The following MGAT5 variants were observed in gnomAD, a reference collection of about 807,000 sequenced individuals.
The protein encoded by MGAT5 is alpha-1,6-mannosylglycoprotein 6-beta-N-acetylglucosaminyltransferase.
MGAT5 carries 30 observed loss-of-function variants against 94.3 expected under a neutral mutation model. The ratio of observed to expected loss-of-function variants is 0.32; its 90% CI spans 0.24 to 0.43. MGAT5 has a LOEUF of 0.43. MGAT5 is among the 20% of genes least tolerant of loss of function. The probability of loss-of-function intolerance (pLI) is 1.00; values close to 1 mark genes in which losing one functional copy is unlikely to be tolerated. For missense variants in MGAT5, 691 were observed against 905.5 expected (o/e 0.76, Z 3.04); for synonymous variants, 310 against 322.9 (o/e 0.96, Z 0.43).
intron 1 of MGAT5, among the ~76,000 whole-genome samples, chr2:134,213,260 A>G (rs943814867): frequency 2.6e-5 from 4 of 152,168 alleles, no homozygotes; most frequent in Admixed American, 1.3e-4. Flanking sequence ...GTTGTGTTCA[A>G]TCAGATACTG....
intron 1 of MGAT5, among the ~76,000 whole-genome samples, chr2:134,130,358 C>T (rs1252225114): frequency 1.3e-5 from 2 of 152,214 alleles, no homozygotes; most frequent in Admixed American, 6.5e-5. Flanking sequence ...CTCTGCTGCG[C>T]CGGGTCCCAT....
chr2:134,287,887 C>T (rs1281001799), intron 2 of MGAT5, among the ~76,000 whole-genome samples: 1 of 152,162 alleles, frequency 6.6e-6, no homozygotes, highest in Non-Finnish European at 1.5e-5. Flanking sequence ...TGTCTTACAT[C>T]CTCTGTGTAA....
intron 1 of MGAT5, among the ~76,000 whole-genome samples, chr2:134,218,295 C>T (rs1056106126): frequency 3.3e-5 from 5 of 152,166 alleles, no homozygotes; most frequent in African/African-American, 9.7e-5. Context: ...AGGAACTTCA[C>T]TATCATAAAT....
intron 1 of MGAT5, among the ~76,000 whole-genome samples, chr2:134,120,991 A>G (rs1438471762): frequency 6.6e-6 from 1 of 151,752 alleles, no homozygotes; most frequent in Non-Finnish European, 1.5e-5. Context: ...ACACCCGCGC[A>G]CACACTCCCC....
chr2:134,187,852 A>C (rs1432742458), intron 1 of MGAT5, among the ~76,000 whole-genome samples: 1 of 152,206 alleles, frequency 6.6e-6, no homozygotes, highest in Non-Finnish European at 1.5e-5. Context: ...AAAACTTCAA[A>C]CTGTATTATC....
At chr2:134,253,484 T>C (rs562015000), upstream of MGAT5, among the ~76,000 whole-genome samples, 1 of 152,322 alleles carries the variant, frequency 6.6e-6, no homozygotes, top group East Asian at 1.9e-4. Context: ...ATATTGAAAC[T>C]ACTCTGCCTT....
At chr2:134,338,207 A>T in intron 5 of MGAT5, 52 bp from the exon 6 acceptor site, 1 of 1,454,926 alleles carries the variant, frequency 6.9e-7, no homozygotes, top group Non-Finnish European at 9.4e-7. Context: ...GAAAACTATT[A>T]TGCTTTCTGA....
chr2:134,246,804 T>C (rs753585439), intron 1 of MGAT5, among the ~76,000 whole-genome samples: 1 of 152,240 alleles, frequency 6.6e-6, no homozygotes, highest in Non-Finnish European at 1.5e-5. Flanking sequence ...AACATAATAT[T>C]TTCTGGCCTC....
At chr2:134,354,565 A>C (rs1250302024) in intron 9 of MGAT5, among the ~76,000 whole-genome samples, 2 of 152,074 alleles carry the variant, frequency 1.3e-5, no homozygotes, top group East Asian at 3.9e-4. Context: ...CTCGTTTCCT[A>C]AGTTGGTGGG....
intron 4 of MGAT5, among the ~76,000 whole-genome samples, chr2:134,331,193 A>C (rs1687948784): frequency 6.6e-6 from 1 of 152,126 alleles, no homozygotes; most frequent in South Asian, 2.1e-4. Flanking sequence ...TTTTTGTTCA[A>C]AGAAGTTTAA....
rs111679062 is a variant in MGAT5, at chr2:134,297,548, T to C, written c.407-19981T>C. Among the ~76,000 whole-genome samples, 333 of 152,250 alleles carry C rather than the reference T, an allele frequency of 2.2e-3. 3 individuals carry two copies. The highest frequency in any genetic ancestry group is 7.6e-3 in the African/African-American group (314 of 41,552). ...GAAAAGGGTTATATATAATGAACAA[T>C]TGGAATTTATTCTAGAAACACAAGG... On this transcript the variant is annotated intron_variant, in intron 2 of 15. Transcript: ENST00000281923.
chr2:134,153,348 T>G (rs1183285254), intron 1 of MGAT5, among the ~76,000 whole-genome samples: 1 of 152,218 alleles, frequency 6.6e-6, no homozygotes, highest in Non-Finnish European at 1.5e-5. Context: ...ACCCTTGGTC[T>G]TCTTTCTTTT....
At position 134,345,073 on chromosome 2, in the gene MGAT5, T is replaced by C. The variant is rs776700224; in HGVS notation, c.1112+9T>C. 2 of 1,608,512 alleles carry C rather than the reference T, an allele frequency of 1.2e-6. No individual in the cohort carries two copies. The highest frequency in any genetic ancestry group is 4.5e-5 in the East Asian group (2 of 44,742). On this transcript the variant is annotated intron_variant, in intron 8 of 15. Transcript: ENST00000281923. Reference sequence around the variant, plus strand: ...TCCTGGGTTCATTACCAGTAAGTGCTACATGGTGTTCTGACTTAAGGTTTT... The same window carrying C: ...TCCTGGGTTCATTACCAGTAAGTGCCACATGGTGTTCTGACTTAAGGTTTT...
intron 13 of MGAT5, among the ~76,000 whole-genome samples, chr2:134,425,435 C>G (rs541746989): frequency 1.3e-5 from 2 of 149,808 alleles, no homozygotes; most frequent in African/African-American, 2.5e-5. Flanking sequence ...TTTTTTGTTT[C>G]TTTCTTTCTT....
intron 10 of MGAT5, among the ~76,000 whole-genome samples, chr2:134,394,717 C>T (rs772371689): frequency 1.3e-5 from 2 of 152,126 alleles, no homozygotes; most frequent in South Asian, 4.1e-4. Flanking sequence ...CAGAGGAAGC[C>T]CCGTCACACC....
upstream of MGAT5, among the ~76,000 whole-genome samples, chr2:134,249,231 T>C (rs1279207276): frequency 1.3e-5 from 2 of 151,960 alleles, no homozygotes; most frequent in African/African-American, 4.8e-5. Flanking sequence ...TTTTTTTTTT[T>C]TAACAGTTTT....
chr2:134,350,729 G>GA (rs1165290591), intron 9 of MGAT5, among the ~76,000 whole-genome samples: 1 of 152,150 alleles, frequency 6.6e-6, no homozygotes, highest in Non-Finnish European at 1.5e-5. Flanking sequence ...TACCAAAAAC[G>GA]AATTTATTTT....
chr2:134,409,104 G>C (rs922529058), intron 11 of MGAT5, among the ~76,000 whole-genome samples: 2 of 152,124 alleles, frequency 1.3e-5, no homozygotes, highest in African/African-American at 4.8e-5. Flanking sequence ...TCCTGCACAC[G>C]TAAACTCCGT....
chr2:134,181,762 G>A (rs1688745182), intron 1 of MGAT5, among the ~76,000 whole-genome samples: 1 of 152,062 alleles, frequency 6.6e-6, no homozygotes, highest in Non-Finnish European at 1.5e-5. Context: ...AAGCTAATTT[G>A]GAGAACTCCC....
Sources: gnomAD v4.1 joint callset for allele counts (sites outside exome capture counted in the v4.1 genomes callset) on GRCh38, gnomAD v4.1.1 for gene constraint, MANE v1.5 for transcripts, NCBI Gene and HGNC (gene_info 2026-07-23, HGNC 2026-07-21) for gene names.